CEP170: variants seen among roughly 807,000 people sequenced by gnomAD.
CEP170 encodes centrosomal protein 170, also known as centrosomal protein of 170 kDa.
A neutral mutation model predicts 151.9 loss-of-function variants in CEP170; 21 were observed. That is an observed-to-expected ratio of 0.14 (90% confidence interval 0.10 to 0.20). CEP170 has a LOEUF of 0.20. CEP170 is among the 10% of genes least tolerant of loss of function. CEP170 has a pLI of 1.00. For synonymous variants in CEP170, 356 were observed against 648.8 expected (o/e 0.55, Z 6.86); for missense variants, 964 against 1,892.9 (o/e 0.51, Z 9.11).
Position 243,225,298 on chromosome 1 carries a change from A to C in CEP170, c.-18T>G. ...AAGCTCATTTTCTGCTTAGCTTCTA[A>C]GTCTTTGGCAAAGCTACGTCATCCT... On this transcript the variant is annotated 5_prime_UTR_variant, in exon 2 of 20. Coordinates refer to ENST00000366542, the MANE Select transcript of CEP170 (RefSeq NM_014812.3). 9 of 1,510,104 alleles carry C rather than the reference A, an allele frequency of 6.0e-6. No individual in the cohort carries two copies. Among genetic ancestry groups the C allele is most frequent in the Non-Finnish European group, 8.1e-6 (9 of 1,114,186 alleles). The allele number at this position is 1,510,104 out of a possible 1,614,324, so 93.5% of individuals were successfully genotyped here. A position where few individuals can be genotyped will look rare whatever the true frequency, so the allele number is the denominator to read the frequency against.
intron 3 of CEP170, among the ~76,000 whole-genome samples, chr1:243,216,443 G>T (rs1171516867): frequency 6.7e-6 from 1 of 150,278 alleles, no homozygotes; most frequent in Non-Finnish European, 1.5e-5. Flanking sequence ...CTATAAGTGA[G>T]AACATCTGGT....
At chr1:243,148,302 G>A (rs963488675) in intron 14 of CEP170, among the ~76,000 whole-genome samples, 5 of 152,124 alleles carry the variant, frequency 3.3e-5, no homozygotes, top group African/African-American at 1.2e-4. Flanking sequence ...TGGGCGCGGT[G>A]GCTCATGCCT....
At chr1:243,173,804 T>A (rs1196669941) in intron 10 of CEP170, among the ~76,000 whole-genome samples, 1 of 151,866 alleles carries the variant, frequency 6.6e-6, no homozygotes, top group African/African-American at 2.4e-5. Context: ...TAGAAAAAAG[T>A]ATCTCTTCAG....
rs549791798 is a variant in CEP170, at chr1:243,145,707, TA to T, written c.3912-3245del. Among the ~76,000 whole-genome samples the T allele has an allele frequency of 6.4e-3, 978 of 152,336 alleles. 8 individuals are homozygous for T. Among genetic ancestry groups the T allele is most frequent in the Admixed American group, 0.012 (187 of 15,308 alleles). The stretch of plus-strand genomic sequence containing the variant: ...TACTGGAAAAAAGCAACTGGTGGGC[TA>T]TTAATGAAGTATACTAGCTTTAGAA... On this transcript the variant is annotated intron_variant, in intron 14 of 19. Transcript: ENST00000366542.
chr1:243,193,129 TTAAAAA>T (rs1448663824), intron 7 of CEP170, among the ~76,000 whole-genome samples: 2 of 152,146 alleles, frequency 1.3e-5, no homozygotes, highest in African/African-American at 4.8e-5. Context: ...TGTCTTTTTC[TTAAAAA>T]TAAAATGTTC....
intron 1 of CEP170, among the ~76,000 whole-genome samples, chr1:243,241,674 CA>C (rs924837087): frequency 6.6e-6 from 1 of 151,878 alleles, no homozygotes; most frequent in African/African-American, 2.4e-5. Context: ...CCTGTAATCC[CA>C]GCTAATCGGG....
chr1:243,150,812 T>C (rs1012209749), intron 14 of CEP170, among the ~76,000 whole-genome samples: 18 of 152,238 alleles, frequency 1.2e-4, no homozygotes, highest in Non-Finnish European at 2.5e-4. Flanking sequence ...CTAGGTTAAG[T>C]ATGTGCATCA....
At chr1:243,244,755 A>G (rs2065202767) in intron 1 of CEP170, among the ~76,000 whole-genome samples, 1 of 71,860 alleles carries the variant, frequency 1.4e-5, no homozygotes, top group South Asian at 9.5e-4. Context: ...CACAAAAAGT[A>G]AAAAAAAAGA....
intron 10 of CEP170, among the ~76,000 whole-genome samples, chr1:243,179,673 C>T (rs1213652645): frequency 6.6e-6 from 1 of 152,202 alleles, no homozygotes; most frequent in African/African-American, 2.4e-5. Flanking sequence ...TACAACGAAT[C>T]ATACACAAAT....
chr1:243,228,415 T>A (rs2063472337), intron 1 of CEP170, among the ~76,000 whole-genome samples: 2 of 152,250 alleles, frequency 1.3e-5, no homozygotes, highest in South Asian at 4.1e-4. Flanking sequence ...TCCATCTGTC[T>A]ACTTTGTCAA....
intron 1 of CEP170, among the ~76,000 whole-genome samples, chr1:243,231,141 A>G (rs143410478): frequency 3.6e-4 from 54 of 150,474 alleles, no homozygotes; most frequent in African/African-American, 8.7e-4. Flanking sequence ...ACCCAGCAAA[A>G]CTATCTTTCA....
At chr1:243,169,342 G>T (rs575799502) in intron 12 of CEP170, 87 of 327,298 alleles carry the variant, frequency 2.7e-4, no homozygotes, top group African/African-American at 1.8e-3. Flanking sequence ...TCTCAAAAAA[G>T]AGTTTTATCA....
intron 16 of CEP170, among the ~76,000 whole-genome samples, chr1:243,137,589 A>G (rs1324284980): frequency 4.6e-5 from 7 of 152,088 alleles, no homozygotes; most frequent in African/African-American, 1.7e-4. Context: ...ATCCTGGCCA[A>G]CATGGTGAAA....
At chr1:243,177,037 T>A (rs1329908990) in intron 10 of CEP170, among the ~76,000 whole-genome samples, 1 of 152,228 alleles carries the variant, frequency 6.6e-6, no homozygotes, top group African/African-American at 2.4e-5. Flanking sequence ...TGTGCAAAGA[T>A]GCACAGTGTC....
chr1:243,179,007 G>GC (rs1283366474), intron 10 of CEP170, among the ~76,000 whole-genome samples: 1 of 152,132 alleles, frequency 6.6e-6, no homozygotes, highest in Non-Finnish European at 1.5e-5. Context: ...GTGAGCCACT[G>GC]CGCTCAGCCT....
intron 3 of CEP170, among the ~76,000 whole-genome samples, chr1:243,213,455 T>C (rs12124014): frequency 0.41 from 61,767 of 151,960 alleles, 14,692 homozygotes; most frequent in East Asian, 0.66. Context: ...AGATATTTCA[T>C]AATTATAAGA....
intron 19 of CEP170, among the ~76,000 whole-genome samples, chr1:243,127,723 A>G (rs1370353645): frequency 6.6e-6 from 1 of 152,262 alleles, no homozygotes; most frequent in Non-Finnish European, 1.5e-5. Context: ...AGACATACAT[A>G]GGCATTAATG....
chr1:243,226,878 A>G (rs1386018317), intron 1 of CEP170, among the ~76,000 whole-genome samples: 4 of 152,136 alleles, frequency 2.6e-5, no homozygotes, highest in Non-Finnish European at 4.4e-5. Context: ...AATCCCAGCT[A>G]CTCGGGAGGG....
rs773945940 is a variant in CEP170, at chr1:243,164,802, C to T, written c.3158G>A (p.Gly1053Glu). The change falls in exon 13 of 20, where the codon GGA becomes GAA. Residue 1053 changes from glycine (G) to glutamate (E), a missense_variant. Coordinates refer to ENST00000366542, the MANE Select transcript of CEP170 (RefSeq NM_014812.3). ...ATCAGCTGAGGTAAGTGGAGTCCGTCCATGAGGTTTACAAGAGTAAGTTTC... is the reference window on the plus strand; with the variant it reads ...ATCAGCTGAGGTAAGTGGAGTCCGTTCATGAGGTTTACAAGAGTAAGTTTC... ...DQETYSCKPH[G>E]RTPLTSADEH... 6 of 1,612,190 alleles carry T rather than the reference C, an allele frequency of 3.7e-6. No homozygotes were observed. The Admixed American group carries it at 8.4e-5, about 22-fold the overall frequency.
Sources: allele counts gnomAD v4.1 joint callset (sites outside exome capture counted in the v4.1 genomes callset), GRCh38; gene constraint gnomAD v4.1.1; transcripts MANE v1.5; gene names NCBI Gene and HGNC (gene_info 2026-07-23, HGNC 2026-07-21).